The following PGS1 variants were observed in gnomAD, a reference collection of about 807,000 sequenced individuals.
The protein encoded by PGS1 is phosphatidylglycerophosphate synthase 1, also known as CDP-diacylglycerol--glycerol-3-phosphate 3-phosphatidyltransferase, mitochondrial.
In PGS1, 44 loss-of-function variants were observed where a neutral mutation model predicts 58.3. The ratio of observed to expected loss-of-function variants is 0.75; its 90% CI spans 0.59 to 0.97. PGS1 has a LOEUF of 0.97. PGS1 is among the 50% of genes least tolerant of loss of function. The pLI is 0.00. For synonymous variants in PGS1, 330 were observed against 311.0 expected, an observed-to-expected ratio of 1.06 and a Z score of -0.64; for missense variants, 684 against 731.1, an observed-to-expected ratio of 0.94 and a Z score of 0.74.
chr17:78,412,780 C>G (rs1422045650), intron 7 of PGS1, among the ~76,000 whole-genome samples: 1 of 152,194 alleles, frequency 6.6e-6, no homozygotes, highest in Non-Finnish European at 1.5e-5. Context: ...TCAGGAGATC[C>G]AGCTGGACAA....
chr17:78,399,339 C>A lies in PGS1; in HGVS notation c.512-9C>A. ...TGAGTCAGGTGCCGTTTTCTCTGTC[C>A]GTGTTCAGGCCGGAAGAACTCCCGC... On this transcript the variant is annotated splice_polypyrimidine_tract_variant and intron_variant, in intron 4 of 9. Coordinates refer to ENST00000262764, the MANE Select transcript of PGS1 (RefSeq NM_024419.5). 2 of 1,611,726 alleles carry A rather than the reference C, an allele frequency of 1.2e-6. No individual in the cohort carries two copies. The highest frequency in any genetic ancestry group is 2.2e-5 in the East Asian group (1 of 44,858).
rs760391833 is a variant in PGS1 at position 78,380,182 on chromosome 17, A to AT, written c.143+1376dup. 5.9e-5 allele frequency among the ~76,000 whole-genome samples: 9 copies of AT among 152,098 alleles called. No homozygotes were observed. The South Asian group carries it at 1.7e-3, about 28-fold the overall frequency. ...TGCCCGGCTGCAAATAGGTTTCTTAATTGAGTCTTACACTTGATCTTTAAA... is the reference window on the plus strand; with the variant it reads ...TGCCCGGCTGCAAATAGGTTTCTTAATTTGAGTCTTACACTTGATCTTTAAA... On this transcript the variant is annotated intron_variant, in intron 1 of 9. Transcript: ENST00000262764.
At chr17:78,423,726 C>G in intron 9 of PGS1, 1 of 759,106 alleles carries the variant, frequency 1.3e-6, no homozygotes, top group Non-Finnish European at 2.1e-6. Context: ...TAATCTGCCC[C>G]ACCTCTTCCA....
chr17:78,419,732 C>A, intron 9 of PGS1, 57 bp downstream of exon 9: 2 of 1,602,220 alleles, frequency 1.2e-6, no homozygotes, highest in African/African-American at 2.7e-5. Context: ...ACAGGTGGGG[C>A]AGGTGGTTGT....
At chr17:78,395,601 C>T (rs1283728355) in intron 2 of PGS1, among the ~76,000 whole-genome samples, 1 of 152,122 alleles carries the variant, frequency 6.6e-6, no homozygotes, top group African/African-American at 2.4e-5. Context: ...GGGAGAGGCC[C>T]CCTGGCTGTT....
intron 7 of PGS1, 36 bp from the exon 8 acceptor site, chr17:78,414,843 C>A: frequency 6.2e-7 from 1 of 1,609,942 alleles, no homozygotes; most frequent in South Asian, 1.1e-5. Flanking sequence ...AGATGCTGTG[C>A]TCATTTCCTG....
rs572547320 is a variant in PGS1 at position 78,410,462 on chromosome 17, C to CTTTTTTTTT, written c.1403-4396_1403-4388dup. ...ATAAAACAAAACCAAAACTTCAGAGCTTTTTTTTTTTTTTTTTTTTTTTTT... is the reference window on the plus strand; with the variant it reads ...ATAAAACAAAACCAAAACTTCAGAGCTTTTTTTTTTTTTTTTTTTTTTTTTTTTTTTTTT... On this transcript the variant is annotated intron_variant, in intron 7 of 9. Transcript: ENST00000262764. Among the ~76,000 whole-genome samples, 20 of 73,530 alleles carry CTTTTTTTTT rather than the reference C, an allele frequency of 2.7e-4. 1 individual carries two copies. Among genetic ancestry groups the CTTTTTTTTT allele is most frequent in the African/African-American group, 1.0e-3 (19 of 18,790 alleles). The allele number at this position is 73,530 out of a possible 152,430, so 48.2% of individuals were successfully genotyped here.
At chr17:78,417,105 A>ACAAAC (rs1491546832) in intron 8 of PGS1, among the ~76,000 whole-genome samples, 3 of 152,212 alleles carry the variant, frequency 2.0e-5, no homozygotes, top group African/African-American at 7.2e-5. Context: ...TGTTCAGGGA[A>ACAAAC]CACAGTTTAC....
intron 8 of PGS1, among the ~76,000 whole-genome samples, chr17:78,418,568 A>G (rs2085410149): frequency 6.6e-6 from 1 of 152,172 alleles, no homozygotes; most frequent in South Asian, 2.1e-4. Context: ...GGTTTGTCAT[A>G]TGAGTTGTTA....
chr17:78,381,774 A>G (rs1197714888), intron 1 of PGS1, among the ~76,000 whole-genome samples: 1 of 152,232 alleles, frequency 6.6e-6, no homozygotes, highest in Non-Finnish European at 1.5e-5. Flanking sequence ...GCATAGAGAC[A>G]GCCAGAGAGA....
At chr17:78,406,226 G>A (rs897073191) in intron 7 of PGS1, among the ~76,000 whole-genome samples, 1 of 152,170 alleles carries the variant, frequency 6.6e-6, no homozygotes, top group Non-Finnish European at 1.5e-5. Context: ...GCTGAGGCAG[G>A]AGAATGGCGT....
rs777367176 is a variant in PGS1 at position 78,399,515 on chromosome 17, G to A, written c.679G>A (p.Asp227Asn). The change falls in exon 5 of 10, where the codon GAC becomes AAC. Residue 227 changes from aspartate to asparagine, a missense_variant. Asp to Asn is a conservative substitution (Grantham distance 23, BLOSUM62 1). Coordinates refer to ENST00000262764, the MANE Select transcript of PGS1 (RefSeq NM_024419.5). ...GLQHIKVYLF[D>N]NSVILSGANL... ...CCAGCACATTAAGGTGTACCTCTTC[G>A]ACAACAGCGTCATCTTGAGCGGGTG... The A allele has an allele frequency of 2.4e-5, 39 of 1,614,132 alleles. No homozygotes were observed. The highest frequency in any genetic ancestry group is 3.1e-5 in the Non-Finnish European group (37 of 1,180,042).
At chr17:78,397,198 G>A (rs1238036316) in intron 3 of PGS1, among the ~76,000 whole-genome samples, 1 of 138,160 alleles carries the variant, frequency 7.2e-6, no homozygotes, top group Non-Finnish European at 1.6e-5. Flanking sequence ...GGTGCATGGC[G>A]GGATCTGAGG....
rs779345585 is a variant in PGS1, at chr17:78,419,597, G to T, written c.1603G>T (p.Glu535Ter). ...RSGVVSSATF[E>*]QPSRQVKLWV... ...AGGTGTGGTGTCCTCTGCCACCTTC[G>T]AGCAGCCGAGTCGCCAGGTGAAGCT... The change falls in exon 9 of 10, where the codon GAG (glutamate) becomes TAG (stop). Residue 535 changes from glutamate to a stop codon, truncating the protein, a stop_gained. Transcript: ENST00000262764. LOFTEE classifies it high-confidence loss of function. 6.2e-7 allele frequency: 1 copy of T among 1,614,074 alleles called. No homozygotes were observed. The highest frequency in any genetic ancestry group is 8.5e-7 in the Non-Finnish European group (1 of 1,179,980).
chr17:78,394,797 C>T, intron 2 of PGS1, among the ~76,000 whole-genome samples: 1 of 152,150 alleles, frequency 6.6e-6, no homozygotes, highest in East Asian at 1.9e-4. Flanking sequence ...TCAGGTGATC[C>T]GCCTACCTCG....
intron 1 of PGS1, among the ~76,000 whole-genome samples, chr17:78,385,513 TCTC>T (rs1220171930): frequency 6.6e-6 from 1 of 152,174 alleles, no homozygotes; most frequent in African/African-American, 2.4e-5. Context: ...ATGGTCTCGA[TCTC>T]CTGACGTCGT....
chr17:78,419,987 G>T (rs995864861), intron 9 of PGS1: 83 of 1,170,610 alleles, frequency 7.1e-5, no homozygotes, highest in Non-Finnish European at 8.4e-5. Flanking sequence ...GAAGCCCTGG[G>T]GCAAGGGCTC....
At chr17:78,405,056 G>A (rs2084009550) in intron 7 of PGS1, among the ~76,000 whole-genome samples, 1 of 151,814 alleles carries the variant, frequency 6.6e-6, no homozygotes, top group Non-Finnish European at 1.5e-5. Flanking sequence ...GGAGTGCAGT[G>A]GCACGATCTC....
intron 7 of PGS1, among the ~76,000 whole-genome samples, chr17:78,414,377 A>T (rs1372537670): frequency 6.6e-6 from 1 of 152,162 alleles, no homozygotes; most frequent in African/African-American, 2.4e-5. Context: ...TGCTTCTGAG[A>T]AGCACGCGTG....
Sources: allele counts gnomAD v4.1 joint callset (sites outside exome capture counted in the v4.1 genomes callset), GRCh38; gene constraint gnomAD v4.1.1; transcripts MANE v1.5; gene names NCBI Gene and HGNC (gene_info 2026-07-23, HGNC 2026-07-21).